SPAST: variants seen among roughly 807,000 people sequenced by gnomAD.
The protein encoded by SPAST is spastin.
Under a neutral mutation model 76.6 loss-of-function variants are expected in SPAST, and 30 were observed. The observed-to-expected ratio is 0.39, with a 90% CI of 0.29 to 0.53. The LOEUF is 0.53. Ranked by LOEUF, SPAST falls within the 20% of genes least tolerant of loss-of-function variation. The pLI, the probability that SPAST is intolerant of heterozygous loss-of-function variation, is 0.68. For synonymous variants in SPAST, 305 were observed against 281.0 expected, an observed-to-expected ratio of 1.09 and a Z score of -0.86; for missense variants, 717 against 770.5, an observed-to-expected ratio of 0.93 and a Z score of 0.82.
chr2:32,110,407 C>T (rs10189895), intron 4 of SPAST, among the ~76,000 whole-genome samples: 12,273 of 147,034 alleles, frequency 0.083, 584 homozygotes, highest in Middle Eastern at 0.13. Flanking sequence ...CGTGAGCCAC[C>T]GCGCCTGGTC....
At chr2:32,075,298 C>A (rs1036309653) in intron 1 of SPAST, among the ~76,000 whole-genome samples, 1 of 151,038 alleles carries the variant, frequency 6.6e-6, no homozygotes, top group Non-Finnish European at 1.5e-5. Flanking sequence ...TGGTAGTGGG[C>A]GCCTGTAATC....
intron 10 of SPAST, 41 bp from the exon 11 acceptor site, chr2:32,136,836 C>A: frequency 6.7e-7 from 1 of 1,489,828 alleles, no homozygotes; most frequent in Non-Finnish European, 9.4e-7. Context: ...ACTCACATAG[C>A]TTGGTCTTTA....
At chr2:32,067,383 CTG>C (rs1676564865) in intron 1 of SPAST, among the ~76,000 whole-genome samples, 1 of 151,990 alleles carries the variant, frequency 6.6e-6, no homozygotes, top group Non-Finnish European at 1.5e-5. Context: ...TTAGTTAACA[CTG>C]TTGGTTGATG....
intron 4 of SPAST, among the ~76,000 whole-genome samples, chr2:32,105,872 T>A (rs112424537): frequency 1.3e-5 from 2 of 152,164 alleles, no homozygotes; most frequent in Non-Finnish European, 2.9e-5. Context: ...TCAGCCCGTA[T>A]GGGGAGGTGT....
intron 4 of SPAST, among the ~76,000 whole-genome samples, chr2:32,108,759 T>A (rs1309324067): frequency 4.2e-5 from 2 of 47,082 alleles, no homozygotes; most frequent in African/African-American, 1.3e-4. Flanking sequence ...CTGGTATAGC[T>A]TTTTTTTTTT....
chr2:32,136,815 A>G, intron 10 of SPAST, 62 bp from the exon 11 acceptor site: 1 of 1,357,496 alleles, frequency 7.4e-7, no homozygotes, highest in Non-Finnish European at 1.1e-6. Flanking sequence ...AAACTAGATT[A>G]ATCTCAGATG....
At chr2:32,102,837 A>G (rs2148720847) in intron 4 of SPAST, among the ~76,000 whole-genome samples, 1 of 152,296 alleles carries the variant, frequency 6.6e-6, no homozygotes, top group South Asian at 2.1e-4. Flanking sequence ...ATTGCGTTGG[A>G]TAAGCTTTTT....
At chr2:32,086,075 C>T (rs561592788) in intron 1 of SPAST, among the ~76,000 whole-genome samples, 9 of 151,462 alleles carry the variant, frequency 5.9e-5, no homozygotes, top group Admixed American at 2.0e-4. Flanking sequence ...AAATAGACTT[C>T]GTCTGTTTCA....
At chr2:32,136,415 GTA>G in intron 9 of SPAST, 146 bp from the exon 10 acceptor site, 1 of 657,676 alleles carries the variant, frequency 1.5e-6, no homozygotes, top group Non-Finnish European at 2.8e-6. Flanking sequence ...GGGACGGTTA[GTA>G]GTACTCTCCC....
chr2:32,153,944 G>A (rs2148768916), intron 16 of SPAST, among the ~76,000 whole-genome samples: 1 of 152,240 alleles, frequency 6.6e-6, no homozygotes, highest in African/African-American at 2.4e-5. Context: ...GGGCATGGAG[G>A]CATGTGCCTG....
chr2:32,146,563 T>C (rs1379299521), intron 15 of SPAST, among the ~76,000 whole-genome samples: 1 of 150,628 alleles, frequency 6.6e-6, no homozygotes, highest in African/African-American at 2.4e-5. Flanking sequence ...AGTGAGGTGC[T>C]GTCTTAAAAA....
chr2:32,103,059 AC>A (rs1431306845), intron 4 of SPAST, among the ~76,000 whole-genome samples: 1 of 151,968 alleles, frequency 6.6e-6, no homozygotes, highest in Non-Finnish European at 1.5e-5. Context: ...TCCTCTTTGT[AC>A]CTCTGGTAGA....
chr2:32,078,400 G>A (rs1039236664), intron 1 of SPAST, among the ~76,000 whole-genome samples: 6 of 152,026 alleles, frequency 3.9e-5, no homozygotes, highest in African/African-American at 1.2e-4. Context: ...GGTCTCGAAC[G>A]CCTAGCCTCA....
chr2:32,141,695 A>T (rs1039551188), intron 12 of SPAST, among the ~76,000 whole-genome samples: 1 of 152,272 alleles, frequency 6.6e-6, no homozygotes. Flanking sequence ...ATATACATAC[A>T]TAAATGATTA....
chr2:32,064,281 CGGGAAGAAG>C, intron 1 of SPAST, 35 bp downstream of exon 1: 15 of 325,502 alleles, frequency 4.6e-5, no homozygotes, highest in Non-Finnish European at 7.1e-5. Flanking sequence ...GCGGCGGCGC[CGGGAAGAAG>C]GCGGTGGGGT....
In SPAST at chr2:32,120,209, A is replaced by G. The variant is rs75133943; in HGVS notation, c.1098+3997A>G. On this transcript the variant is annotated intron_variant, in intron 7 of 16. Transcript: ENST00000315285. ...CCTTTCTTCTTTCAAAAATGTTAGA[A>G]CTTACCTCTTTAAATAATCTTATAA... Among the ~76,000 whole-genome samples the G allele has an allele frequency of 2.0e-5, 3 of 152,066 alleles. No individual in the cohort carries two copies. In the East Asian group the frequency reaches 5.8e-4, roughly 29 times the overall value.
chr2:32,106,351 A>C (rs1678319310), intron 4 of SPAST, among the ~76,000 whole-genome samples: 1 of 152,220 alleles, frequency 6.6e-6, no homozygotes, highest in South Asian at 2.1e-4. Context: ...TTTTCCAGGT[A>C]CCATATGTCA....
intron 1 of SPAST, among the ~76,000 whole-genome samples, chr2:32,082,699 A>C (rs891388219): frequency 2.0e-5 from 3 of 152,068 alleles, no homozygotes; most frequent in Non-Finnish European, 4.4e-5. Context: ...TCCATCTCAA[A>C]AAAAAAAAAT....
intron 4 of SPAST, among the ~76,000 whole-genome samples, chr2:32,099,452 C>T (rs928611159): frequency 2.0e-5 from 3 of 152,030 alleles, no homozygotes; most frequent in Non-Finnish European, 4.4e-5. Context: ...AAATGTCTTT[C>T]TGTTTTGTTT....
Sources: allele counts gnomAD v4.1 joint callset (sites outside exome capture counted in the v4.1 genomes callset), GRCh38; gene constraint gnomAD v4.1.1; transcripts MANE v1.5; gene names NCBI Gene and HGNC (gene_info 2026-07-23, HGNC 2026-07-21).